Variants in STOM observed in about 807,000 individuals in gnomAD.
STOM encodes the protein stomatin.
In STOM, 25 loss-of-function variants were observed where a neutral mutation model predicts 30.6. That is an observed-to-expected ratio of 0.82 (90% confidence interval 0.60 to 1.14). The LOEUF (loss-of-function observed/expected upper bound fraction) is 1.14, where lower values mean the gene tolerates loss of function less well. Among genes scored for constraint, STOM ranks in the 50% most tolerant of loss-of-function variants. The pLI is 0.00. For synonymous variants in STOM, 118 were observed against 130.8 expected, an observed-to-expected ratio of 0.90 and a Z score of 0.67; for missense variants, 292 against 365.2, an observed-to-expected ratio of 0.80 and a Z score of 1.63.
intron 6 of STOM, among the ~76,000 whole-genome samples, chr9:121,344,709 G>A (rs1369963619): frequency 1.3e-5 from 2 of 152,200 alleles, no homozygotes; most frequent in Non-Finnish European, 2.9e-5. Context: ...CCCTTCTGCA[G>A]ACCAGGTGGT....
In STOM at chr9:121,354,625, A is replaced by G. The variant is rs781449306; in HGVS notation, c.214T>C (p.Leu72=). 1 of 1,612,660 alleles carries G rather than the reference A, an allele frequency of 6.2e-7. No individual in the cohort carries two copies. Among genetic ancestry groups the G allele is most frequent in the Non-Finnish European group, 8.5e-7 (1 of 1,179,140 alleles). Residue 72 remains leucine (L), a synonymous_variant, in exon 3 of 7, where the codon TTA becomes CTA. Coordinates refer to ENST00000286713, the MANE Select transcript of STOM (RefSeq NM_004099.6). ...CCAGGTCCTTTGGCTCCTCCTTGTA[A>G]AATGCGACCCAATCTAAAGATGATG... ...RAIIFRLGRI[L]QGGAKGPGLF...
At chr9:121,364,498 G>C (rs192084614) in intron 1 of STOM, among the ~76,000 whole-genome samples, 6 of 152,270 alleles carry the variant, frequency 3.9e-5, no homozygotes, top group Admixed American at 1.3e-4. Flanking sequence ...CAAAAGAACT[G>C]ATACTGATGA....
intron 1 of STOM, among the ~76,000 whole-genome samples, chr9:121,363,786 T>G (rs555151648): frequency 6.6e-6 from 1 of 152,348 alleles, no homozygotes; most frequent in Admixed American, 6.5e-5. Flanking sequence ...GAGGAAGACT[T>G]GCATAAATTA....
At chr9:121,365,452 G>C (rs1328137725) in intron 1 of STOM, among the ~76,000 whole-genome samples, 1 of 147,544 alleles carries the variant, frequency 6.8e-6, no homozygotes, top group Non-Finnish European at 1.5e-5. Context: ...CATGAAAACA[G>C]AACAAAAACC....
intron 3 of STOM, among the ~76,000 whole-genome samples, 195 bp downstream of exon 3, chr9:121,354,406 G>A (rs1394502318): frequency 1.3e-5 from 2 of 152,018 alleles, no homozygotes; most frequent in African/African-American, 4.8e-5. Context: ...TGTAATCCTA[G>A]TGCTTTGGGA....
At chr9:121,342,167 C>T (rs1417474319) in intron 6 of STOM, among the ~76,000 whole-genome samples, 3 of 152,016 alleles carry the variant, frequency 2.0e-5, no homozygotes, top group African/African-American at 7.2e-5. Flanking sequence ...GTCAGGAGTT[C>T]GAGACCAGCC....
In STOM at chr9:121,366,776, A is replaced by G. The variant is rs554422959; in HGVS notation, c.61+3351T>C. Among the ~76,000 whole-genome samples the G allele has an allele frequency of 2.6e-5, 4 of 152,244 alleles. No individual in the cohort carries two copies. The East Asian group carries it at 7.7e-4, about 29-fold the overall frequency. On this transcript the variant is annotated intron_variant, in intron 1 of 6. Coordinates refer to ENST00000286713, the MANE Select transcript of STOM (RefSeq NM_004099.6). ...TACTGGGCTACTACAGTGAAGAAGG[A>G]CACAATCTCTATTTTCAAAAGTGTG...
intron 1 of STOM, among the ~76,000 whole-genome samples, chr9:121,356,712 G>A (rs569008890): frequency 2.0e-5 from 3 of 152,300 alleles, no homozygotes; most frequent in South Asian, 4.1e-4. Context: ...GCTGGGCGTC[G>A]TGGCTCACGC....
intron 1 of STOM, among the ~76,000 whole-genome samples, chr9:121,362,965 T>A (rs1160379856): frequency 6.6e-6 from 1 of 152,206 alleles, no homozygotes; most frequent in Non-Finnish European, 1.5e-5. Context: ...TACTTTCAGA[T>A]CTATTAACCT....
intron 6 of STOM, 112 bp from the exon 7 acceptor site, chr9:121,341,520 G>A (rs369606939): frequency 2.6e-5 from 35 of 1,331,590 alleles, no homozygotes; most frequent in South Asian, 1.7e-4. Context: ...TTTCTAGGGC[G>A]TATGCCAGAG....
intron 1 of STOM, among the ~76,000 whole-genome samples, chr9:121,366,685 T>A (rs2064506555): frequency 6.6e-6 from 1 of 152,132 alleles, no homozygotes; most frequent in Non-Finnish European, 1.5e-5. Flanking sequence ...CCAGGGGGAT[T>A]TTTATCTCCC....
chr9:121,348,120 C>G lies in STOM; in HGVS notation c.555G>C (p.Trp185Cys). The part of the protein sequence containing the change: ...QSTLDDATDA[W>C]GIKVERVEIK... ...TTTCCACACGCTCCACCTTTATTCC[C>G]CAGGCATCAGTGGCATCATCCAGAG... Residue 185 changes from tryptophan to cysteine, a missense_variant, in exon 6 of 7, where the codon TGG becomes TGC. Transcript: ENST00000286713. 1 of 1,614,196 alleles carries G rather than the reference C, an allele frequency of 6.2e-7. No homozygotes were observed. Among genetic ancestry groups the G allele is most frequent in the Non-Finnish European group, 8.5e-7 (1 of 1,180,036 alleles).
In STOM at chr9:121,349,065, C is replaced by T. The variant is rs1280430979; in HGVS notation, c.525+55G>A. On this transcript the variant is annotated intron_variant, in intron 5 of 6. Coordinates refer to ENST00000286713, the MANE Select transcript of STOM (RefSeq NM_004099.6). ...TAAAAGGTTCTCAAACAACCATTGA[C>T]TCTTTGCTTCATTTTTCAGCTTCTG... The T allele has an allele frequency of 1.9e-6, 3 of 1,580,098 alleles. No individual in the cohort carries two copies. In the African/African-American group the frequency reaches 4.0e-5, roughly 21 times the overall value.
Position 121,339,696 on chromosome 9 carries a change from C to A in STOM, c.*1506G>T. 1 of 1,231,388 alleles carries A rather than the reference C, an allele frequency of 8.1e-7. No homozygotes were observed. The highest frequency in any genetic ancestry group is 4.1e-5 in the South Asian group (1 of 24,230). 76.3% of individuals were successfully genotyped at this position (1,231,388 alleles called of 1,614,324 possible). ...CCAGTAAGCAGAATGCCAGGTTGCTCAGATTCACAGACATTTGCAAAACAG... is the reference window on the plus strand; with the variant it reads ...CCAGTAAGCAGAATGCCAGGTTGCTAAGATTCACAGACATTTGCAAAACAG... On this transcript the variant is annotated 3_prime_UTR_variant, in exon 7 of 7. Coordinates refer to ENST00000286713, the MANE Select transcript of STOM (RefSeq NM_004099.6).
intron 2 of STOM, among the ~76,000 whole-genome samples, chr9:121,355,482 A>G (rs2064380026): frequency 6.6e-6 from 1 of 152,088 alleles, no homozygotes; most frequent in Non-Finnish European, 1.5e-5. Flanking sequence ...TTAAGAATAA[A>G]TTGATCTGAA....
intron 1 of STOM, among the ~76,000 whole-genome samples, chr9:121,365,905 C>A (rs892628609): frequency 2.0e-5 from 3 of 152,150 alleles, no homozygotes; most frequent in African/African-American, 7.2e-5. Context: ...CTTTTGGGAT[C>A]TGGGCACTAT....
intron 1 of STOM, 45 bp downstream of exon 1, chr9:121,370,082 C>A: frequency 1.3e-6 from 2 of 1,496,106 alleles, no homozygotes; most frequent in Non-Finnish European, 1.8e-6. Flanking sequence ...ACGCTGCGGG[C>A]GGGGGCTCGG....
chr9:121,357,736 C>G (rs545131008), intron 1 of STOM, among the ~76,000 whole-genome samples: 1 of 151,938 alleles, frequency 6.6e-6, no homozygotes, highest in South Asian at 2.1e-4. Context: ...CTGCGCCCGG[C>G]CTTAAATCAT....
chr9:121,369,984 T>C, intron 1 of STOM, 143 bp downstream of exon 1: 1 of 749,730 alleles, frequency 1.3e-6, no homozygotes, highest in Non-Finnish European at 2.1e-6. Flanking sequence ...ATGCTCAGTT[T>C]ACTAGGGAGG....
Sources: allele counts gnomAD v4.1 joint callset (sites outside exome capture counted in the v4.1 genomes callset), GRCh38; gene constraint gnomAD v4.1.1; transcripts MANE v1.5; gene names NCBI Gene and HGNC (gene_info 2026-07-23, HGNC 2026-07-21).